Variants in PDLIM5 observed in about 807,000 individuals in gnomAD.
PDLIM5 encodes PDZ and LIM domain protein 5.
In PDLIM5, 34 loss-of-function variants were observed where a neutral mutation model predicts 64.2. The observed-to-expected ratio is 0.53, with a 90% CI of 0.40 to 0.71. The LOEUF is 0.71. Ranked by LOEUF, PDLIM5 falls within the 30% of genes least tolerant of loss-of-function variation. The probability of loss-of-function intolerance (pLI) is 0.00; values close to 1 mark genes in which losing one functional copy is unlikely to be tolerated. For missense variants in PDLIM5, 683 were observed against 733.6 expected (o/e 0.93, Z 0.80); for synonymous variants, 253 against 269.1 (o/e 0.94, Z 0.59).
At chr4:94,522,233 C>G (rs1936745619) in intron 2 of PDLIM5, among the ~76,000 whole-genome samples, 1 of 152,176 alleles carries the variant, frequency 6.6e-6, no homozygotes, top group Non-Finnish European at 1.5e-5. Flanking sequence ...AGTGGAACGA[C>G]CTTCCCGAAG....
chr4:94,452,586 A>G (rs2126067028), intron 1 of PDLIM5, among the ~76,000 whole-genome samples: 1 of 152,346 alleles, frequency 6.6e-6, no homozygotes, highest in South Asian at 2.1e-4. Flanking sequence ...TAAGAAACAC[A>G]TTTGTCATGA....
chr4:94,664,397 A>G lies in PDLIM5; in HGVS notation c.*330A>G. 1.3e-6 allele frequency: 1 copy of G among 762,376 alleles called. No individual in the cohort carries two copies. Among genetic ancestry groups the G allele is most frequent in the Non-Finnish European group, 1.6e-6 (1 of 625,048 alleles). 47.2% of individuals were successfully genotyped at this position (762,376 alleles called of 1,614,324 possible). On this transcript the variant is annotated 3_prime_UTR_variant, in exon 13 of 13. Transcript: ENST00000317968. ...AGAATAAATAATCCAATCTGAAATA[A>G]TTATACCTTCTTTCCTTGTTAGGTA...
intron 1 of PDLIM5, among the ~76,000 whole-genome samples, chr4:94,452,928 C>T (rs1476157747): frequency 6.6e-6 from 1 of 152,204 alleles, no homozygotes; most frequent in Non-Finnish European, 1.5e-5. Flanking sequence ...TTTAGTTCTT[C>T]AGCTCTACCT....
At chr4:94,638,614 G>A (rs1281282526) in intron 8 of PDLIM5, among the ~76,000 whole-genome samples, 1 of 152,026 alleles carries the variant, frequency 6.6e-6, no homozygotes, top group Non-Finnish European at 1.5e-5. Flanking sequence ...ACATATATAT[G>A]TATATTTATG....
At chr4:94,571,582 A>T (rs1460907771) in intron 3 of PDLIM5, among the ~76,000 whole-genome samples, 1 of 152,224 alleles carries the variant, frequency 6.6e-6, no homozygotes, top group Non-Finnish European at 1.5e-5. Context: ...ACTGCAGTTC[A>T]AAGGGGATCT....
chr4:94,586,337 A>G, intron 6 of PDLIM5, 71 bp from the exon 7 acceptor site: 6 of 797,610 alleles, frequency 7.5e-6, no homozygotes, highest in Non-Finnish European at 1.1e-5. Flanking sequence ...TGATTGGTGC[A>G]GGTAATTGCT....
chr4:94,569,807 T>C (rs563916427), intron 3 of PDLIM5, among the ~76,000 whole-genome samples: 2 of 152,338 alleles, frequency 1.3e-5, no homozygotes, highest in South Asian at 4.1e-4. Flanking sequence ...TTAAATTTGC[T>C]TGAATTGCTT....
intron 2 of PDLIM5, among the ~76,000 whole-genome samples, chr4:94,476,622 TTTA>T (rs1254698396): frequency 6.6e-6 from 1 of 152,170 alleles, no homozygotes; most frequent in Non-Finnish European, 1.5e-5. Context: ...TAGAAAGCCC[TTTA>T]TCATCCCTTT....
intron 2 of PDLIM5, among the ~76,000 whole-genome samples, chr4:94,502,792 G>T (rs533826573): frequency 6.6e-6 from 1 of 152,104 alleles, no homozygotes; most frequent in African/African-American, 2.4e-5. Context: ...CAGGAGAATT[G>T]CTTGAACCCA....
intron 3 of PDLIM5, among the ~76,000 whole-genome samples, chr4:94,546,194 T>G (rs1732298849): frequency 1.3e-5 from 2 of 152,216 alleles, no homozygotes; most frequent in Non-Finnish European, 2.9e-5. Flanking sequence ...TGATGGATTT[T>G]TAAAATATTC....
At chr4:94,480,854 TC>T (rs1382592904) in intron 2 of PDLIM5, among the ~76,000 whole-genome samples, 1 of 152,062 alleles carries the variant, frequency 6.6e-6, no homozygotes, top group Non-Finnish European at 1.5e-5. Flanking sequence ...AAGGTTTACA[TC>T]CCCCAGCCCC....
chr4:94,504,688 A>T (rs1182824351), intron 2 of PDLIM5, among the ~76,000 whole-genome samples: 1 of 152,080 alleles, frequency 6.6e-6, no homozygotes, highest in Non-Finnish European at 1.5e-5. Flanking sequence ...TTAAATACAT[A>T]ATCTGTTTCT....
In PDLIM5 at chr4:94,640,448, C is replaced by A; in HGVS notation, c.1281C>A (p.Ile427=). 1.3e-6 allele frequency: 2 copies of A among 1,564,392 alleles called. No homozygotes were observed. Among genetic ancestry groups the A allele is most frequent in the South Asian group, 1.2e-5 (1 of 84,282 alleles). ...TGTGCGCCCATTGTAACCAGGTCATCAGGTTGGTTGTTTTTTGAAATTTTC... is the reference window on the plus strand; with the variant it reads ...TGTGCGCCCATTGTAACCAGGTCATAAGGTTGGTTGTTTTTTGAAATTTTC... ...TPMCAHCNQV[I]RGPFLVALGK... Residue 427 remains isoleucine, a splice_region_variant and synonymous_variant, in exon 9 of 13, where the codon ATC becomes ATA. Transcript: ENST00000317968.
At chr4:94,627,219 A>G (rs1374830530) in intron 8 of PDLIM5, among the ~76,000 whole-genome samples, 2 of 152,214 alleles carry the variant, frequency 1.3e-5, no homozygotes, top group Non-Finnish European at 2.9e-5. Flanking sequence ...GGTGTGAAAC[A>G]TGTAAATATG....
chr4:94,546,192 T>C (rs1288157079), intron 3 of PDLIM5, among the ~76,000 whole-genome samples: 3 of 152,190 alleles, frequency 2.0e-5, no homozygotes, highest in Non-Finnish European at 4.4e-5. Context: ...TATGATGGAT[T>C]TTTAAAATAT....
intron 2 of PDLIM5, among the ~76,000 whole-genome samples, chr4:94,496,594 G>A (rs1444408124): frequency 6.6e-6 from 1 of 152,150 alleles, no homozygotes; most frequent in African/African-American, 2.4e-5. Context: ...GGCTCAAGCA[G>A]TCCTCCCACC....
At chr4:94,534,433 A>G (rs1436681380) in intron 3 of PDLIM5, among the ~76,000 whole-genome samples, 1 of 152,166 alleles carries the variant, frequency 6.6e-6, no homozygotes, top group African/African-American at 2.4e-5. Flanking sequence ...TTTCCTTCAG[A>G]TTTACATTAT....
intron 3 of PDLIM5, among the ~76,000 whole-genome samples, chr4:94,539,775 C>G (rs1731621375): frequency 6.6e-6 from 1 of 152,064 alleles, no homozygotes; most frequent in Non-Finnish European, 1.5e-5. Context: ...CCATTCTAGG[C>G]AGAGAGCACA....
At chr4:94,541,719 C>A (rs1231433245) in intron 3 of PDLIM5, among the ~76,000 whole-genome samples, 7 of 152,230 alleles carry the variant, frequency 4.6e-5, no homozygotes, top group Non-Finnish European at 7.3e-5. Flanking sequence ...CTTCCATATA[C>A]ATCTTCTCTG....
Sources: gnomAD v4.1 joint callset for allele counts (sites outside exome capture counted in the v4.1 genomes callset) on GRCh38, gnomAD v4.1.1 for gene constraint, MANE v1.5 for transcripts, NCBI Gene and HGNC (gene_info 2026-07-23, HGNC 2026-07-21) for gene names.